FBXO2: variants seen among roughly 807,000 people sequenced by gnomAD.
FBXO2 encodes F-box only protein 2.
In FBXO2, 32 loss-of-function variants were observed where a neutral mutation model predicts 38.6. The ratio of observed to expected loss-of-function variants is 0.83; its 90% CI spans 0.62 to 1.11. FBXO2 has a LOEUF of 1.11. FBXO2 is among the 50% of genes most tolerant of loss of function. The pLI, the probability that FBXO2 is intolerant of heterozygous loss-of-function variation, is 0.00. For missense variants in FBXO2, 450 were observed against 418.3 expected, an observed-to-expected ratio of 1.08 and a Z score of -0.66; for synonymous variants, 189 against 182.9, an observed-to-expected ratio of 1.03 and a Z score of -0.27.
chr1:11,648,868 G>A lies in FBXO2; in HGVS notation c.757-40C>T. On this transcript the variant is annotated intron_variant, in intron 5 of 5. Coordinates refer to ENST00000354287, the MANE Select transcript of FBXO2 (RefSeq NM_012168.6). The surrounding 1 kb of genome is among the most constrained non-coding windows in gnomAD (Gnocchi z 4.2). ...AACAAGAGTCAGCCTCGGAGGTCCTGAGGCCTCTCCTGCCGCCCCACCCCG... is the reference window on the plus strand; with the variant it reads ...AACAAGAGTCAGCCTCGGAGGTCCTAAGGCCTCTCCTGCCGCCCCACCCCG... The A allele has an allele frequency of 6.2e-7, 1 of 1,608,678 alleles. No homozygotes were observed. Among genetic ancestry groups the A allele is most frequent in the Non-Finnish European group, 8.5e-7 (1 of 1,176,668 alleles).
chr1:11,649,370 T>C lies in FBXO2; in HGVS notation c.618-145A>G, dbSNP rs1339577892. 4.3e-6 allele frequency: 3 copies of C among 690,848 alleles called. No homozygotes were observed. In the African/African-American group the frequency reaches 5.4e-5, roughly 12 times the overall value. The allele number at this position is 690,848 out of a possible 1,614,324, so 42.8% of individuals were successfully genotyped here. On this transcript the variant is annotated intron_variant, in intron 4 of 5. Coordinates refer to ENST00000354287, the MANE Select transcript of FBXO2 (RefSeq NM_012168.6). ...TCCCTGTCAGCCAGCACTGCCAGTG[T>C]TCCCAGTTTACAGATAAGGGAAACG...
chr1:11,649,743 T>C (rs1211474941), intron 4 of FBXO2, 36 bp downstream of exon 4: 1 of 1,600,712 alleles, frequency 6.2e-7, no homozygotes, highest in African/African-American at 1.3e-5. Flanking sequence ...CTTACCCCGC[T>C]CCTCCCAGCC....
intron 2 of FBXO2, 114 bp from the exon 3 acceptor site, chr1:11,650,188 T>C (rs1639490374): frequency 6.7e-7 from 1 of 1,482,412 alleles, no homozygotes; most frequent in Non-Finnish European, 9.1e-7. Context: ...GGTGGGCAGA[T>C]GATGAATGAG....
Position 11,650,731 on chromosome 1 carries a change from GGCC to G in FBXO2, c.123_125del (p.Ala45del), listed in dbSNP as rs756805231. On this transcript the variant is annotated inframe_deletion, in exon 2 of 6. Coordinates refer to ENST00000354287, the MANE Select transcript of FBXO2 (RefSeq NM_012168.6). Reference sequence around the variant, plus strand: ...GCAGCTCGTCCAGGTACGCGGCGGCGGCCGCCGCCTCCTCCTCCTGCTGGTCCT... The same window carrying G: ...GCAGCTCGTCCAGGTACGCGGCGGCGGCCGCCTCCTCCTCCTGCTGGTCCT... 5.2e-6 allele frequency: 8 copies of G among 1,526,196 alleles called. No homozygotes were observed. The African/African-American group carries it at 7.3e-5, about 14-fold the overall frequency. 94.5% of individuals were successfully genotyped at this position (1,526,196 alleles called of 1,614,324 possible).
At chr1:11,654,183 T>TA in intron 1 of FBXO2, 136 bp downstream of exon 1, 1 of 991,988 alleles carries the variant, frequency 1.0e-6, no homozygotes, top group Non-Finnish European at 1.4e-6. Flanking sequence ...AGACCGCCTC[T>TA]AGGGCTTCGC....
In FBXO2 at chr1:11,649,798, C is replaced by T. The variant is rs780746164; in HGVS notation, c.598G>A (p.Ala200Thr). The change falls in exon 4 of 6, where the codon GCC (alanine) becomes ACC (threonine). Residue 200 changes from alanine (A) to threonine (T), a missense_variant. Transcript: ENST00000354287. ...WEELLDTTQP[A>T]IVVKDWYSGR... The stretch of plus-strand genomic sequence containing the variant: ...TCTCACCAGTCCTTCACCACGATGG[C>T]CGGCTGAGTCGTGTCCAGCAGCTCC... 2 of 1,613,954 alleles carry T rather than the reference C, an allele frequency of 1.2e-6. No individual in the cohort carries two copies. The highest frequency in any genetic ancestry group is 2.2e-5 in the South Asian group (2 of 91,082).
rs763241349 is a variant in FBXO2, at chr1:11,649,986, G to A, written c.480C>T (p.Thr160=). The part of the protein sequence containing the change: ...ELPGDSGVEF[T]HDESVKKYFA... ...AGTACTTCTTGACGCTCTCATCGTG[G>A]GTGAACTCCACCCCACTGTCTCCAG... is the stretch of plus-strand genomic sequence containing the variant. The change falls in exon 3 of 6, where the codon ACC becomes ACT. Residue 160 remains threonine, a synonymous_variant. Coordinates refer to ENST00000354287, the MANE Select transcript of FBXO2 (RefSeq NM_012168.6). 15 of 1,613,834 alleles carry A rather than the reference G, an allele frequency of 9.3e-6. No individual in the cohort carries two copies. Among genetic ancestry groups the A allele is most frequent in the South Asian group, 3.3e-5 (3 of 91,074 alleles).
chr1:11,650,429 C>T lies in FBXO2; in HGVS notation c.391+37G>A, dbSNP rs764785856. ...GGCGCCGTTTCGGCCCATTTCGCAG[C>T]AGGGGAAGCTGAGCTCGCCCAGCGA... On this transcript the variant is annotated intron_variant, in intron 2 of 5. Coordinates refer to ENST00000354287, the MANE Select transcript of FBXO2 (RefSeq NM_012168.6). 4 of 1,593,828 alleles carry T rather than the reference C, an allele frequency of 2.5e-6. No homozygotes were observed. In the Admixed American group the frequency reaches 5.2e-5, roughly 21 times the overall value.
At chr1:11,649,266 G>GGGGGGGGC in intron 4 of FBXO2, 41 bp from the exon 5 acceptor site, 1 of 1,049,320 alleles carries the variant, frequency 9.5e-7, no homozygotes, top group Non-Finnish European at 1.4e-6. Context: ...CGGGAGGTGG[G>GGGGGGGGC]GTGGGGGCAT....
Position 11,649,936 on chromosome 1 carries a change from TCTCCTTACTCAA to T in FBXO2, c.518_521+8del. 6.2e-7 allele frequency: 1 copy of T among 1,613,856 alleles called. No individual in the cohort carries two copies. The highest frequency in any genetic ancestry group is 1.1e-5 in the South Asian group (1 of 91,076). ...CCCCTTCCCACCTCCTCCACCCCCT[TCTCCTTACTCAA>T]AGGAGGAGGCGAAGTACTTCTTGAC... On this transcript the variant is annotated splice_donor_variant and splice_donor_5th_base_variant and coding_sequence_variant and intron_variant, in exon 3 of 6. Coordinates refer to ENST00000354287, the MANE Select transcript of FBXO2 (RefSeq NM_012168.6). LOFTEE classifies it high-confidence loss of function.
intron 1 of FBXO2, among the ~76,000 whole-genome samples, chr1:11,653,181 C>T (rs941370961): frequency 1.3e-5 from 2 of 152,194 alleles, no homozygotes. Context: ...GCCCTCCCTC[C>T]GGCCCTGGCC....
In FBXO2 at chr1:11,648,881, C is replaced by T; in HGVS notation, c.757-53G>A. The T allele has an allele frequency of 1.9e-6, 3 of 1,599,870 alleles. No homozygotes were observed. The highest frequency in any genetic ancestry group is 2.2e-5 in the East Asian group (1 of 44,600). On this transcript the variant is annotated intron_variant, in intron 5 of 5. Transcript: ENST00000354287. This position sits in a 1 kb window ranked among gnomAD's most constrained non-coding sequence, Gnocchi z 4.2. ...CTCGGAGGTCCTGAGGCCTCTCCTG[C>T]CGCCCCACCCCGGTACACCGACCGA...
chr1:11,654,304 C>G lies in FBXO2; in HGVS notation c.22+15G>C, dbSNP rs775913486. The G allele has an allele frequency of 1.1e-5, 16 of 1,486,272 alleles. No homozygotes were observed. The highest frequency in any genetic ancestry group is 1.3e-5 in the Non-Finnish European group (15 of 1,125,070). The allele number at this position is 1,486,272 out of a possible 1,614,324, so 92.1% of individuals were successfully genotyped here. A position where few individuals can be genotyped will look rare whatever the true frequency, so the allele number is the denominator to read the frequency against. On this transcript the variant is annotated intron_variant, in intron 1 of 5. Coordinates refer to ENST00000354287, the MANE Select transcript of FBXO2 (RefSeq NM_012168.6). The stretch of plus-strand genomic sequence containing the variant: ...TCCCCTCCCCGCCGCAGCGAGCGGT[C>G]CAGGCGTCGGCTACCTGGGTCACCG...
Position 11,648,518 on chromosome 1 carries a change from G to T in FBXO2, c.*176C>A. 1.1e-6 allele frequency: 1 copy of T among 880,186 alleles called. No individual in the cohort carries two copies. The highest frequency in any genetic ancestry group is 1.7e-6 in the Non-Finnish European group (1 of 588,606). The allele number at this position is 880,186 out of a possible 1,614,324, so 54.5% of individuals were successfully genotyped here. A position where few individuals can be genotyped will look rare whatever the true frequency, so the allele number is the denominator to read the frequency against. ...TACATTCTAGAAGCCGGCTACCTAA[G>T]CAAACCTATGCCAACAAAACTTCTC... On this transcript the variant is annotated 3_prime_UTR_variant, in exon 6 of 6. Coordinates refer to ENST00000354287, the MANE Select transcript of FBXO2 (RefSeq NM_012168.6). This position sits in a 1 kb window ranked among gnomAD's most constrained non-coding sequence, Gnocchi z 4.2.
At position 11,650,722 on chromosome 1, in the gene FBXO2, C is replaced by CGCGGCG. The variant is rs148874459; in HGVS notation, c.129_134dup (p.Ala44_Ala45dup). The CGCGGCG allele has an allele frequency of 1.4e-5, 21 of 1,526,240 alleles. No homozygotes were observed. The African/African-American group carries it at 1.7e-4, about 12-fold the overall frequency. 94.5% of individuals were successfully genotyped at this position (1,526,240 alleles called of 1,614,324 possible). A position where few individuals can be genotyped will look rare whatever the true frequency, so the allele number is the denominator to read the frequency against. ...GCGGCTCGGGCAGCTCGTCCAGGTA[C>CGCGGCG]GCGGCGGCGGCCGCCGCCTCCTCCT... On this transcript the variant is annotated inframe_insertion, in exon 2 of 6. Coordinates refer to ENST00000354287, the MANE Select transcript of FBXO2 (RefSeq NM_012168.6).
At chr1:11,650,402 GCGGCGCCGTTT>G (rs1336707487) in intron 2 of FBXO2, 53 bp downstream of exon 2, 10 of 1,551,278 alleles carry the variant, frequency 6.4e-6, no homozygotes, top group Admixed American at 1.9e-5. Context: ...TCAAAGCCAG[GCGGCGCCGTTT>G]CGGCCCATTT....
At position 11,648,683 on chromosome 1, in the gene FBXO2, G is replaced by C. The variant is rs1639456317; in HGVS notation, c.*11C>G. ...CTCCAGGCAGCTGGGGGAGAGTGGA[G>C]GCAGGGTCGCTCAGGGTTCTACCCA... On this transcript the variant is annotated 3_prime_UTR_variant, in exon 6 of 6. Coordinates refer to ENST00000354287, the MANE Select transcript of FBXO2 (RefSeq NM_012168.6). This position sits in a 1 kb window ranked among gnomAD's most constrained non-coding sequence, Gnocchi z 4.2. The C allele has an allele frequency of 6.2e-7, 1 of 1,612,548 alleles. No individual in the cohort carries two copies. The highest frequency in any genetic ancestry group is 2.2e-5 in the East Asian group (1 of 44,832).
intron 1 of FBXO2, among the ~76,000 whole-genome samples, chr1:11,651,613 A>C (rs1639521271): frequency 6.6e-6 from 1 of 152,160 alleles, no homozygotes. Flanking sequence ...CCTGGATTTG[A>C]ACCCAGACAG....
Position 11,649,064 on chromosome 1 carries a change from C to A in FBXO2, c.756+23G>T, listed in dbSNP as rs749166185. The A allele has an allele frequency of 5.1e-6, 8 of 1,577,026 alleles. No individual in the cohort carries two copies. The South Asian group carries it at 9.3e-5, about 18-fold the overall frequency. On this transcript the variant is annotated intron_variant, in intron 5 of 5. Transcript: ENST00000354287. ...CCCTCATGTCCGTGCCCCACCCCTC[C>A]GCCCTGGGTCCCCCAGGCTCACCTC... is the stretch of plus-strand genomic sequence containing the variant.
Sources: gnomAD v4.1 joint callset for allele counts (sites outside exome capture counted in the v4.1 genomes callset) on GRCh38, gnomAD v4.1.1 for gene constraint, Gnocchi (gnomAD v3.1) non-coding constraint, MANE v1.5 for transcripts, NCBI Gene and HGNC (gene_info 2026-07-23, HGNC 2026-07-21) for gene names.